Variants in TMEM117 observed in about 807,000 individuals in gnomAD.
TMEM117 encodes transmembrane protein 117.
In TMEM117, 27 loss-of-function variants were observed where a neutral mutation model predicts 52.4. The ratio of observed to expected loss-of-function variants is 0.51; its 90% CI spans 0.38 to 0.71. The LOEUF is 0.71. TMEM117 is among the 30% of genes least tolerant of loss of function. The pLI is 0.00. For missense variants in TMEM117, 556 were observed against 630.5 expected (o/e 0.88, Z 1.26); for synonymous variants, 215 against 206.3 (o/e 1.04, Z -0.36).
In TMEM117 at chr12:43,944,378, T is replaced by G; in HGVS notation, c.410+36T>G. 2.6e-6 allele frequency: 4 copies of G among 1,564,706 alleles called. No homozygotes were observed. In the East Asian group the frequency reaches 6.8e-5, roughly 27 times the overall value. On this transcript the variant is annotated intron_variant, in intron 3 of 7. Transcript: ENST00000266534. ...TTTCCCCTTTCTACTGTGGTGAGTG[T>G]TATGTTTGAAACTTGTAAGAATTTA... is the stretch of plus-strand genomic sequence containing the variant.
At chr12:43,830,396 C>T in the TMEM117 span, among the ~76,000 whole-genome samples, 1 of 151,924 alleles carries the variant, frequency 6.6e-6, no homozygotes, top group African/African-American at 2.4e-5. Context: ...ATCACGAGGT[C>T]AGGAGTTCAA....
intron 3 of TMEM117, among the ~76,000 whole-genome samples, chr12:44,048,086 TTTA>T (rs1946908117): frequency 2.0e-5 from 3 of 152,186 alleles, no homozygotes; most frequent in Non-Finnish European, 2.9e-5. Context: ...AAATTTTTTG[TTTA>T]TTGTGTCAAT....
chr12:44,052,922 T>A (rs1321015891), intron 3 of TMEM117, among the ~76,000 whole-genome samples: 1 of 152,138 alleles, frequency 6.6e-6, no homozygotes, highest in Non-Finnish European at 1.5e-5. Flanking sequence ...AATTACTCCC[T>A]GCCCCCAAGG....
At chr12:44,393,633 C>T (rs189843029), downstream of TMEM117, among the ~76,000 whole-genome samples, 288 of 150,326 alleles carry the variant, frequency 1.9e-3, 1 homozygote, top group Non-Finnish European at 3.6e-3. Flanking sequence ...CCATCAAAAC[C>T]AGAGTATCTG....
chr12:43,941,475 A>C lies in TMEM117; in HGVS notation c.278-2735A>C, dbSNP rs1945044052. Among the ~76,000 whole-genome samples the C allele has an allele frequency of 2.0e-5, 3 of 152,236 alleles. No homozygotes were observed. In the South Asian group the frequency reaches 6.2e-4, roughly 31 times the overall value. On this transcript the variant is annotated intron_variant, in intron 2 of 7. Coordinates refer to ENST00000266534, the MANE Select transcript of TMEM117 (RefSeq NM_032256.3). ...GAAACCACATATATAGTCACCCTAA[A>C]GGGCAGAGACAGTGTATTTCCATCT...
chr12:44,096,216 A>T (rs1271619265), intron 3 of TMEM117, among the ~76,000 whole-genome samples: 13 of 152,354 alleles, frequency 8.5e-5, no homozygotes, highest in Non-Finnish European at 1.0e-4. Flanking sequence ...ATAAAAGAGG[A>T]TATAAACAAA....
intron 3 of TMEM117, 129 bp from the exon 4 acceptor site, chr12:44,143,396 A>T: frequency 1.7e-6 from 1 of 571,618 alleles, no homozygotes; most frequent in Non-Finnish European, 3.0e-6. Context: ...TTGTAAGCAT[A>T]TGTGATGGGA....
chr12:44,029,149 G>T (rs1356608138), intron 3 of TMEM117, among the ~76,000 whole-genome samples: 2 of 152,142 alleles, frequency 1.3e-5, no homozygotes, highest in Non-Finnish European at 2.9e-5. Context: ...TCAATAAAAG[G>T]CAAGGATGCT....
rs115218248 is a variant in TMEM117 at position 44,309,143 on chromosome 12, G to A, written c.768+9404G>A. On this transcript the variant is annotated intron_variant, in intron 6 of 7. Transcript: ENST00000266534. The stretch of plus-strand genomic sequence containing the variant: ...AAAAGAGCTATTGTTAGACCGACAA[G>A]TTCATTAATATCATGAAGTCATGAA... 2.4e-3 allele frequency among the ~76,000 whole-genome samples: 371 copies of A among 152,266 alleles called. 5 individuals are homozygous for A. Among genetic ancestry groups the A allele is most frequent in the African/African-American group, 8.2e-3 (340 of 41,546 alleles).
intron 2 of TMEM117, among the ~76,000 whole-genome samples, chr12:43,865,587 C>G (rs1204456374): frequency 1.3e-5 from 2 of 151,786 alleles, no homozygotes; most frequent in Non-Finnish European, 2.9e-5. Flanking sequence ...ATTCCAGCTA[C>G]TAGAGGGGCT....
At chr12:44,136,360 T>G (rs1180684589) in intron 3 of TMEM117, among the ~76,000 whole-genome samples, 2 of 152,124 alleles carry the variant, frequency 1.3e-5, no homozygotes, top group East Asian at 3.8e-4. Flanking sequence ...TGCATATTCC[T>G]GGAGTGTTTG....
chr12:44,329,078 T>C (rs1294556271), intron 6 of TMEM117, among the ~76,000 whole-genome samples: 2 of 152,002 alleles, frequency 1.3e-5, no homozygotes, highest in East Asian at 3.9e-4. Context: ...TCCATCTTAT[T>C]GCAGATTCCT....
At chr12:44,060,204 C>G (rs987801535) in intron 3 of TMEM117, among the ~76,000 whole-genome samples, 3 of 152,122 alleles carry the variant, frequency 2.0e-5, no homozygotes, top group African/African-American at 7.2e-5. Flanking sequence ...ATTTTTTCTT[C>G]TTGTCTTCTG....
intron 2 of TMEM117, among the ~76,000 whole-genome samples, chr12:43,852,122 C>A (rs1429615060): frequency 6.7e-6 from 1 of 149,980 alleles, no homozygotes; most frequent in African/African-American, 2.4e-5. Context: ...CATGGTGAAA[C>A]CCTGTCTGTA....
At position 43,971,451 on chromosome 12, in the gene TMEM117, A is replaced by G. The variant is rs183353084; in HGVS notation, c.410+27109A>G. Among the ~76,000 whole-genome samples, 27 of 152,276 alleles carry G rather than the reference A, an allele frequency of 1.8e-4. No homozygotes were observed. The East Asian group carries it at 3.5e-3, about 20-fold the overall frequency. ...TTGCCCAAAGGCTAAGTTCCATCCA[A>G]AGTGAACTTCTTTTAGTTCTATGAA... On this transcript the variant is annotated intron_variant, in intron 3 of 7. Coordinates refer to ENST00000266534, the MANE Select transcript of TMEM117 (RefSeq NM_032256.3).
intron 2 of TMEM117, among the ~76,000 whole-genome samples, chr12:43,870,746 AG>A (rs1330372595): frequency 2.0e-5 from 3 of 152,038 alleles, no homozygotes; most frequent in Non-Finnish European, 2.9e-5. Context: ...ACAGTGTAAA[AG>A]TGTTCCTTTT....
At chr12:44,099,057 G>T (rs1947820223) in intron 3 of TMEM117, among the ~76,000 whole-genome samples, 1 of 151,934 alleles carries the variant, frequency 6.6e-6, no homozygotes, top group Non-Finnish European at 1.5e-5. Context: ...TTATCCATCT[G>T]CTTAGAAGTC....
intron 3 of TMEM117, among the ~76,000 whole-genome samples, chr12:44,130,985 A>G (rs1948405048): frequency 6.6e-6 from 1 of 152,002 alleles, no homozygotes; most frequent in South Asian, 2.1e-4. Context: ...GTGTTGGTCT[A>G]TTGTATAATT....
At chr12:44,398,755 C>A in the TMEM117 span, among the ~76,000 whole-genome samples, 9 of 152,326 alleles carry the variant, frequency 5.9e-5, no homozygotes, top group Admixed American at 3.9e-4. Context: ...GCACAAAAAA[C>A]CAACTGAAAT....
Sources: gnomAD v4.1 joint callset for allele counts (sites outside exome capture counted in the v4.1 genomes callset) on GRCh38, gnomAD v4.1.1 for gene constraint, MANE v1.5 for transcripts, NCBI Gene and HGNC (gene_info 2026-07-23, HGNC 2026-07-21) for gene names.